CYP7B1: variants seen among roughly 807,000 people sequenced by gnomAD.
CYP7B1 encodes cytochrome P450 family 7 subfamily B member 1, also known as cytochrome P450 7B1.
A neutral mutation model predicts 42.7 loss-of-function variants in CYP7B1; 29 were observed. That is an observed-to-expected ratio of 0.68 (90% confidence interval 0.51 to 0.93). The LOEUF is 0.93. Among genes scored for constraint, CYP7B1 ranks in the 40% least tolerant of loss-of-function variants. CYP7B1 has a pLI of 0.00. For missense variants in CYP7B1, 655 were observed against 600.5 expected (o/e 1.09, Z -0.95); for synonymous variants, 235 against 218.2 (o/e 1.08, Z -0.68).
At chr8:64,665,526 A>G (rs2129631522) in intron 1 of CYP7B1, among the ~76,000 whole-genome samples, 1 of 138,962 alleles carries the variant, frequency 7.2e-6, no homozygotes, top group African/African-American at 2.7e-5. Context: ...CTTCACCTTT[A>G]GAGCAGCATT....
intron 1 of CYP7B1, among the ~76,000 whole-genome samples, chr8:64,694,777 A>G (rs1806799388): frequency 6.6e-6 from 1 of 152,204 alleles, no homozygotes; most frequent in Non-Finnish European, 1.5e-5. Context: ...TTTGAGAAGC[A>G]CTATGCTAGG....
chr8:64,621,527 G>T (rs961286152), intron 2 of CYP7B1, among the ~76,000 whole-genome samples: 3 of 152,114 alleles, frequency 2.0e-5, no homozygotes, highest in African/African-American at 7.2e-5. Flanking sequence ...GCCCCACCAG[G>T]TATGGCGTGT....
At chr8:64,713,742 T>G (rs1404639534) in intron 1 of CYP7B1, among the ~76,000 whole-genome samples, 3 of 151,994 alleles carry the variant, frequency 2.0e-5, no homozygotes, top group African/African-American at 7.2e-5. Context: ...ATGCAAGTAA[T>G]TGGAATCCCA....
chr8:64,668,132 T>C (rs925862084), intron 1 of CYP7B1, among the ~76,000 whole-genome samples: 1 of 152,222 alleles, frequency 6.6e-6, no homozygotes, highest in Non-Finnish European at 1.5e-5. Flanking sequence ...GCTTTACCTT[T>C]GATGAATACA....
At chr8:64,607,710 T>C (rs574078244) in intron 4 of CYP7B1, among the ~76,000 whole-genome samples, 2 of 152,354 alleles carry the variant, frequency 1.3e-5, no homozygotes, top group East Asian at 3.9e-4. Flanking sequence ...TAAAAGGTCA[T>C]TGTGAGTCAT....
intron 1 of CYP7B1, among the ~76,000 whole-genome samples, chr8:64,625,772 C>A (rs1166481414): frequency 6.6e-6 from 1 of 151,882 alleles, no homozygotes; most frequent in Admixed American, 6.6e-5. Context: ...GTCAAACTAA[C>A]CCCACCTCAT....
chr8:64,728,362 C>T (rs1329230374), intron 1 of CYP7B1, among the ~76,000 whole-genome samples: 1 of 152,198 alleles, frequency 6.6e-6, no homozygotes, highest in Non-Finnish European at 1.5e-5. Context: ...TCATATCTTA[C>T]TGCTTCTCTC....
At chr8:64,681,534 TA>T (rs956512956) in intron 1 of CYP7B1, among the ~76,000 whole-genome samples, 1 of 152,162 alleles carries the variant, frequency 6.6e-6, no homozygotes, top group Non-Finnish European at 1.5e-5. Flanking sequence ...GGTTAGTTTA[TA>T]AAAAAATTGT....
intron 1 of CYP7B1, among the ~76,000 whole-genome samples, chr8:64,730,927 G>T (rs1395702261): frequency 6.6e-6 from 1 of 152,106 alleles, no homozygotes; most frequent in Non-Finnish European, 1.5e-5. Context: ...TCATGATACT[G>T]AGTGAGTTCT....
At chr8:64,704,730 C>T (rs1806967333) in intron 1 of CYP7B1, among the ~76,000 whole-genome samples, 1 of 151,992 alleles carries the variant, frequency 6.6e-6, no homozygotes, top group Admixed American at 6.6e-5. Flanking sequence ...TGAGAAATAT[C>T]TGTTACACAT....
intron 1 of CYP7B1, among the ~76,000 whole-genome samples, chr8:64,761,289 A>G (rs1372549501): frequency 6.6e-6 from 1 of 152,136 alleles, no homozygotes; most frequent in African/African-American, 2.4e-5. Context: ...AAAATTAATA[A>G]TAATATATTG....
intron 1 of CYP7B1, among the ~76,000 whole-genome samples, chr8:64,722,407 T>C (rs1346077078): frequency 6.6e-6 from 1 of 152,150 alleles, no homozygotes; most frequent in African/African-American, 2.4e-5. Flanking sequence ...TTCATTTTAA[T>C]GTAAAGAAAT....
At chr8:64,739,965 C>T (rs1807544819) in intron 1 of CYP7B1, among the ~76,000 whole-genome samples, 1 of 151,956 alleles carries the variant, frequency 6.6e-6, no homozygotes, top group Non-Finnish European at 1.5e-5. Context: ...AGACCTTTTT[C>T]AGACAAAAAC....
At chr8:64,690,483 C>A (rs1050154432) in intron 1 of CYP7B1, among the ~76,000 whole-genome samples, 3 of 152,096 alleles carry the variant, frequency 2.0e-5, no homozygotes, top group African/African-American at 7.2e-5. Flanking sequence ...TAGAGATACT[C>A]TTATTTACAG....
intron 1 of CYP7B1, among the ~76,000 whole-genome samples, chr8:64,709,637 T>A (rs78879476): frequency 1.3e-5 from 2 of 152,214 alleles, no homozygotes; most frequent in African/African-American, 4.8e-5. Flanking sequence ...AAAGAAATAG[T>A]TCTCAAAGGA....
chr8:64,717,714 G>A (rs186443297), intron 1 of CYP7B1, among the ~76,000 whole-genome samples: 24 of 152,134 alleles, frequency 1.6e-4, no homozygotes, highest in Admixed American at 1.2e-3. Context: ...TTAGCAGGGC[G>A]TGGTAGTGCA....
chr8:64,616,299 G>C lies in CYP7B1; in HGVS notation c.260-18C>G, dbSNP rs1447622483. On this transcript the variant is annotated intron_variant, in intron 2 of 5. Coordinates refer to ENST00000310193, the MANE Select transcript of CYP7B1 (RefSeq NM_004820.5). ...GTACTTTCCTAGAAAAAAAAAAAGA[G>C]AGAGAAAATATGAGTTCGTTTGTTA... 3.5e-6 allele frequency: 5 copies of C among 1,422,158 alleles called. No individual in the cohort carries two copies. The highest frequency in any genetic ancestry group is 1.2e-5 in the South Asian group (1 of 80,110). 88.1% of individuals were successfully genotyped at this position (1,422,158 alleles called of 1,614,324 possible).
At chr8:64,636,098 T>C (rs558918071) in intron 1 of CYP7B1, among the ~76,000 whole-genome samples, 2 of 152,318 alleles carry the variant, frequency 1.3e-5, no homozygotes, top group Non-Finnish European at 2.9e-5. Context: ...CCACAAACGA[T>C]GAATGACCAC....
Position 64,735,797 on chromosome 8 carries a change from G to C in CYP7B1, c.122+62669C>G, listed in dbSNP as rs146527130. ...TGTGGAGCCTGCAGATGGGATCCTG[G>C]GAAAACTGGAAAAGGGTAAGAATTC... On this transcript the variant is annotated intron_variant, in intron 1 of 5. Coordinates refer to ENST00000310193, the MANE Select transcript of CYP7B1 (RefSeq NM_004820.5). 3.9e-5 allele frequency among the ~76,000 whole-genome samples: 6 copies of C among 152,188 alleles called. No individual in the cohort carries two copies. In the East Asian group the frequency reaches 1.2e-3, roughly 29 times the overall value.
Sources: allele counts gnomAD v4.1 joint callset (sites outside exome capture counted in the v4.1 genomes callset), GRCh38; gene constraint gnomAD v4.1.1; transcripts MANE v1.5; gene names NCBI Gene and HGNC (gene_info 2026-07-23, HGNC 2026-07-21).